The following GALNT2 variants were observed in gnomAD, a reference collection of about 807,000 sequenced individuals.
The protein encoded by GALNT2 is UDP-GalNAc:polypeptide N-acetylgalactosaminyltransferase 2.
GALNT2 carries 31 observed loss-of-function variants against 81.4 expected under a neutral mutation model. The observed-to-expected ratio is 0.38, with a 90% CI of 0.29 to 0.51. The LOEUF (loss-of-function observed/expected upper bound fraction) is 0.51, where lower values mean the gene tolerates loss of function less well. Among genes scored for constraint, GALNT2 ranks in the 20% least tolerant of loss-of-function variants. The pLI is 0.87. For synonymous variants in GALNT2, 303 were observed against 287.4 expected, an observed-to-expected ratio of 1.05 and a Z score of -0.55; for missense variants, 629 against 765.7, an observed-to-expected ratio of 0.82 and a Z score of 2.11.
rs74317664 is a variant in GALNT2, at chr1:230,277,653, G to C, written c.1561-1650G>C. Among the ~76,000 whole-genome samples the C allele has an allele frequency of 5.5e-3, 833 of 152,310 alleles. 10 individuals carry two copies. Among genetic ancestry groups the C allele is most frequent in the African/African-American group, 0.019 (798 of 41,542 alleles). On this transcript the variant is annotated intron_variant, in intron 15 of 15. Coordinates refer to ENST00000366672, the MANE Select transcript of GALNT2 (RefSeq NM_004481.5). ...AAGAACTCCAGGTGAGCAGGTGGAC[G>C]GAAATAAGGAAAGCAGGGTACAAGT...
chr1:230,203,060 AAC>A, intron 2 of GALNT2, 75 bp from the exon 3 acceptor site: 1 of 1,471,098 alleles, frequency 6.8e-7, no homozygotes. Flanking sequence ...TTCTGGAGTT[AAC>A]ACTTACTGCA....
upstream of GALNT2, among the ~76,000 whole-genome samples, chr1:230,064,347 C>T (rs1659115467): frequency 6.6e-6 from 1 of 152,210 alleles, no homozygotes; most frequent in Admixed American, 6.5e-5. Context: ...AAAATGCTCT[C>T]CATTAGTCAC....
At chr1:230,209,213 C>T (rs1664157973) in intron 3 of GALNT2, among the ~76,000 whole-genome samples, 1 of 152,104 alleles carries the variant, frequency 6.6e-6, no homozygotes, top group Non-Finnish European at 1.5e-5. Context: ...GACTAGCAGC[C>T]GCATGGAAGT....
intron 13 of GALNT2, chr1:230,263,972 C>T (rs1010244243): frequency 2.6e-5 from 4 of 152,260 alleles, no homozygotes; most frequent in Non-Finnish European, 5.9e-5. Context: ...TTTCAAGTAA[C>T]ATGCCAGGCG....
intron 1 of GALNT2, among the ~76,000 whole-genome samples, chr1:230,099,296 A>G (rs897829694): frequency 3.9e-5 from 6 of 152,110 alleles, no homozygotes; most frequent in Admixed American, 1.3e-4. Context: ...CACTATTTCT[A>G]TGATTGCAAT....
intron 11 of GALNT2, among the ~76,000 whole-genome samples, chr1:230,260,187 TTTATTTAATAC>T (rs748186331): frequency 4.6e-5 from 7 of 152,358 alleles, no homozygotes; most frequent in Non-Finnish European, 7.3e-5. Flanking sequence ...ACATTTAATA[TTTATTTAATAC>T]TTATTTAATA....
At chr1:230,073,880 T>C (rs1659448459) in intron 1 of GALNT2, among the ~76,000 whole-genome samples, 1 of 152,144 alleles carries the variant, frequency 6.6e-6, no homozygotes, top group Admixed American at 6.5e-5. Context: ...GAGTCTCTCC[T>C]AGGCCACTCT....
chr1:230,252,499 A>G (rs3789633), intron 10 of GALNT2, among the ~76,000 whole-genome samples: 20,170 of 152,170 alleles, frequency 0.13, 2,471 homozygotes, highest in East Asian at 0.58. Flanking sequence ...ACTTCCAGGG[A>G]ATCATCTGTT....
intron 1 of GALNT2, among the ~76,000 whole-genome samples, chr1:230,079,561 G>T (rs1171981956): frequency 1.3e-5 from 2 of 152,236 alleles, no homozygotes; most frequent in Non-Finnish European, 2.9e-5. Flanking sequence ...GCTATAGTTC[G>T]TGAAACATCA....
intron 1 of GALNT2, among the ~76,000 whole-genome samples, chr1:230,079,711 AG>A (rs1659670834): frequency 6.6e-6 from 1 of 152,186 alleles, no homozygotes; most frequent in African/African-American, 2.4e-5. Context: ...GAGAGCCGGG[AG>A]GAGAATGTAA....
chr1:230,153,395 G>A (rs1004661194), intron 1 of GALNT2, among the ~76,000 whole-genome samples: 1 of 152,196 alleles, frequency 6.6e-6, no homozygotes, highest in African/African-American at 2.4e-5. Flanking sequence ...AACAGTCATT[G>A]ATGGGGGGTC....
chr1:230,211,897 G>A (rs190381808), intron 3 of GALNT2, among the ~76,000 whole-genome samples: 2 of 152,314 alleles, frequency 1.3e-5, no homozygotes, highest in East Asian at 3.9e-4. Context: ...CTTCCAGAAA[G>A]TAGAAGAGTT....
At chr1:230,241,960 G>A (rs1665214235) in intron 6 of GALNT2, among the ~76,000 whole-genome samples, 1 of 152,274 alleles carries the variant, frequency 6.6e-6, no homozygotes, top group African/African-American at 2.4e-5. Context: ...GTTGGACTTG[G>A]TTCCTGTGTG....
chr1:230,109,255 GGGTGCAGGGA>G (rs1367110986), intron 1 of GALNT2, among the ~76,000 whole-genome samples: 2 of 152,210 alleles, frequency 1.3e-5, no homozygotes, highest in African/African-American at 2.4e-5. Context: ...GCAGGTGAGC[GGGTGCAGGGA>G]GGTGCGGGGT....
intron 3 of GALNT2, among the ~76,000 whole-genome samples, chr1:230,223,078 T>TA (rs749808947): frequency 1.8e-4 from 27 of 152,334 alleles, no homozygotes; most frequent in South Asian, 6.2e-4. Context: ...AACTCAACAT[T>TA]ACAGTGCTAG....
At chr1:230,139,827 G>A (rs568972729) in intron 1 of GALNT2, among the ~76,000 whole-genome samples, 1 of 152,330 alleles carries the variant, frequency 6.6e-6, no homozygotes, top group African/African-American at 2.4e-5. Context: ...ATGGAGAGTT[G>A]TTTTGCTTTG....
At chr1:230,083,575 A>G (rs1025682989) in intron 1 of GALNT2, among the ~76,000 whole-genome samples, 13 of 152,280 alleles carry the variant, frequency 8.5e-5, no homozygotes, top group African/African-American at 3.1e-4. Flanking sequence ...ACAACTTTGA[A>G]AGGTCACCTG....
At chr1:230,128,302 G>A (rs1000150570) in intron 1 of GALNT2, among the ~76,000 whole-genome samples, 11 of 144,962 alleles carry the variant, frequency 7.6e-5, no homozygotes, top group African/African-American at 2.0e-4. Flanking sequence ...CAGGACCTTC[G>A]CTTGTCGTGG....
chr1:230,222,024 C>CTTTTTTTTTT (rs1205619416), intron 3 of GALNT2, among the ~76,000 whole-genome samples: 1 of 80,186 alleles, frequency 1.2e-5, no homozygotes, highest in African/African-American at 8.5e-5. Context: ...CATTTCACTG[C>CTTTTTTTTTT]TTTTCTCTTT....
Sources: allele counts gnomAD v4.1 joint callset (sites outside exome capture counted in the v4.1 genomes callset), GRCh38; gene constraint gnomAD v4.1.1; transcripts MANE v1.5; gene names NCBI Gene and HGNC (gene_info 2026-07-23, HGNC 2026-07-21).